Variants in EP300 observed in about 807,000 individuals in gnomAD.
EP300 encodes the protein histone acetyltransferase p300.
Under a neutral mutation model 264.0 loss-of-function variants are expected in EP300, and 31 were observed. The observed-to-expected ratio is 0.12, with a 90% CI of 0.09 to 0.16. The LOEUF (loss-of-function observed/expected upper bound fraction) is 0.16. Among genes scored for constraint, EP300 ranks in the 10% least tolerant of loss-of-function variants. EP300 has a pLI of 1.00. For missense variants in EP300, 2,766 were observed against 3,052.9 expected (o/e 0.91, Z 2.21); for synonymous variants, 1,340 against 1,045.4 (o/e 1.28, Z -5.44).
intron 2 of EP300, among the ~76,000 whole-genome samples, chr22:41,118,317 A>G (rs557226466): frequency 6.6e-6 from 1 of 152,056 alleles, no homozygotes; most frequent in East Asian, 1.9e-4. Flanking sequence ...TGTTTCAGTG[A>G]ACCAGAACTT....
chr22:41,163,053 C>G (rs879907882), intron 21 of EP300, among the ~76,000 whole-genome samples: 27 of 152,188 alleles, frequency 1.8e-4, no homozygotes, highest in Non-Finnish European at 2.9e-4. Flanking sequence ...GGAGGACTGA[C>G]ATGTATGTCT....
chr22:41,096,361 A>G (rs1389365455), intron 1 of EP300, among the ~76,000 whole-genome samples: 2 of 152,106 alleles, frequency 1.3e-5, no homozygotes, highest in Admixed American at 6.6e-5. Context: ...GTAAACGCTT[A>G]ATGCCGTATG....
intron 1 of EP300, among the ~76,000 whole-genome samples, chr22:41,095,594 A>G (rs1295500244): frequency 6.6e-6 from 1 of 151,884 alleles, no homozygotes; most frequent in Non-Finnish European, 1.5e-5. Context: ...TTTGCAGGTA[A>G]CTTTTATTGG....
In EP300 at chr22:41,092,772, C is replaced by G; in HGVS notation, c.-233C>G. The G allele has an allele frequency of 1.6e-6, 1 of 624,156 alleles. No individual in the cohort carries two copies. Among genetic ancestry groups the G allele is most frequent in the Non-Finnish European group, 2.9e-6 (1 of 344,230 alleles). The allele number at this position is 624,156 out of a possible 1,614,324, so 38.7% of individuals were successfully genotyped here. On this transcript the variant is annotated 5_prime_UTR_variant, in exon 1 of 31. Coordinates refer to ENST00000263253, the MANE Select transcript of EP300 (RefSeq NM_001429.4). Reference sequence around the variant, plus strand: ...GAATTTGTGCTCTTGTGCCCTCCTCCGGGCTTGGGCCCAGGCCCGGCCCCT... The same window carrying G: ...GAATTTGTGCTCTTGTGCCCTCCTCGGGGCTTGGGCCCAGGCCCGGCCCCT...
At chr22:41,107,950 G>A (rs1367035511) in intron 1 of EP300, 1 of 151,970 alleles carries the variant, frequency 6.6e-6, no homozygotes, top group Non-Finnish European at 1.5e-5. Flanking sequence ...GTGATAGCTT[G>A]CCTCGGCCTC....
chr22:41,134,167 T>C (rs1353498537), intron 6 of EP300, among the ~76,000 whole-genome samples: 6 of 150,572 alleles, frequency 4.0e-5, no homozygotes, highest in Non-Finnish European at 7.4e-5. Flanking sequence ...TCTTTTCTTT[T>C]TTTTTTTTTT....
intron 1 of EP300, among the ~76,000 whole-genome samples, chr22:41,103,345 T>A (rs1442618976): frequency 1.3e-5 from 2 of 152,178 alleles, no homozygotes; most frequent in Non-Finnish European, 2.9e-5. Context: ...ACCTACCAAG[T>A]CTTAGGTATT....
intron 16 of EP300, among the ~76,000 whole-genome samples, chr22:41,153,772 A>G (rs953977050): frequency 7.2e-5 from 11 of 152,168 alleles, no homozygotes; most frequent in African/African-American, 2.7e-4. Context: ...ATAAAATAAA[A>G]TGTCTAATTT....
At chr22:41,144,480 A>G (rs1461877704) in intron 10 of EP300, among the ~76,000 whole-genome samples, 5 of 151,736 alleles carry the variant, frequency 3.3e-5, no homozygotes, top group African/African-American at 7.3e-5. Flanking sequence ...CAGCCCCCCA[A>G]GTAGCTGGGA....
At chr22:41,096,583 T>C (rs1338606064) in intron 1 of EP300, among the ~76,000 whole-genome samples, 1 of 150,828 alleles carries the variant, frequency 6.6e-6, no homozygotes, top group Non-Finnish European at 1.5e-5. Context: ...AGTGGAGAAG[T>C]GGTAAGGCTT....
At chr22:41,162,695 T>A (rs1490862565) in intron 20 of EP300, 28 bp from the exon 21 acceptor site, 2 of 1,580,102 alleles carry the variant, frequency 1.3e-6, no homozygotes, top group African/African-American at 2.7e-5. Flanking sequence ...TATCACTTTT[T>A]CTCATTGTGT....
chr22:41,100,880 GTA>G, intron 1 of EP300, among the ~76,000 whole-genome samples: 1 of 151,634 alleles, frequency 6.6e-6, no homozygotes, highest in South Asian at 2.1e-4. Context: ...ATCATGTCAC[GTA>G]TATATATATC....
rs2059228393 is a variant in EP300 at position 41,179,592 on chromosome 22, T to G, written c.*636T>G. 1 of 213,450 alleles carries G rather than the reference T, an allele frequency of 4.7e-6. No individual in the cohort carries two copies. Among genetic ancestry groups the G allele is most frequent in the African/African-American group, 2.3e-5 (1 of 43,870 alleles). The allele number at this position is 213,450 out of a possible 1,614,324, so 13.2% of individuals were successfully genotyped here. ...AGTCAACTTTTGTGCTCCAGAAAAT[T>G]TTCTATTCTGTAAGTCTGAGCGTAA... On this transcript the variant is annotated 3_prime_UTR_variant, in exon 31 of 31. Transcript: ENST00000263253.
intron 29 of EP300, chr22:41,174,742 A>C (rs1288631906): frequency 6.6e-6 from 1 of 152,160 alleles, no homozygotes; most frequent in Non-Finnish European, 1.5e-5. Flanking sequence ...AAGTTCTTAT[A>C]GGAAGTGGTA....
chr22:41,134,901 T>C (rs2058941543), intron 6 of EP300, among the ~76,000 whole-genome samples: 2 of 151,570 alleles, frequency 1.3e-5, no homozygotes, highest in South Asian at 4.1e-4. Flanking sequence ...ATTGCTTTTT[T>C]CTTTCTTTCT....
In EP300 at chr22:41,152,300, GTAC is replaced by G; in HGVS notation, c.3094_3096del (p.Thr1032del). 1 of 1,614,124 alleles carries G rather than the reference GTAC, an allele frequency of 6.2e-7. No individual in the cohort carries two copies. Among genetic ancestry groups the G allele is most frequent in the East Asian group, 2.2e-5 (1 of 44,872 alleles). On this transcript the variant is annotated inframe_deletion, in exon 16 of 31. Transcript: ENST00000263253. Reference sequence around the variant, plus strand: ...ATAAAAGAGGAGGAAGACCAGCCAAGTACTTCAGCTACCCAGTCATCTCCGGCT... The same window carrying G: ...ATAAAAGAGGAGGAAGACCAGCCAAGTTCAGCTACCCAGTCATCTCCGGCT...
intron 10 of EP300, among the ~76,000 whole-genome samples, chr22:41,145,591 A>T (rs2059006172): frequency 6.6e-6 from 1 of 152,218 alleles, no homozygotes; most frequent in Non-Finnish European, 1.5e-5. Context: ...TGTGCAGATA[A>T]TCCAGGAAAA....
intron 2 of EP300, 31 bp downstream of exon 2, chr22:41,117,852 C>A: frequency 1.2e-6 from 2 of 1,612,722 alleles, no homozygotes; most frequent in South Asian, 1.1e-5. Context: ...TGTGCACAAT[C>A]GGCATGCATG....
In EP300 at chr22:41,176,228, G is replaced by A. The variant is rs759735477; in HGVS notation, c.4780-19G>A. 1.2e-6 allele frequency: 2 copies of A among 1,613,970 alleles called. No homozygotes were observed. The highest frequency in any genetic ancestry group is 1.7e-6 in the Non-Finnish European group (2 of 1,179,934). On this transcript the variant is annotated intron_variant, in intron 29 of 30. Transcript: ENST00000263253. ...GAGCGAGGCCCTGTCTCAAAAAAAA[G>A]AGACTGTCTGTTTTTCAGGTCTTCT...
Sources: allele counts gnomAD v4.1 joint callset (sites outside exome capture counted in the v4.1 genomes callset), GRCh38; gene constraint gnomAD v4.1.1; transcripts MANE v1.5; gene names NCBI Gene and HGNC (gene_info 2026-07-23, HGNC 2026-07-21).